Variants in DYDC1 observed in about 807,000 individuals in gnomAD.
The protein encoded by DYDC1 is DPY30 domain containing 1.
A neutral mutation model predicts 27.9 loss-of-function variants in DYDC1; 21 were observed. The ratio of observed to expected loss-of-function variants is 0.75; its 90% confidence interval spans 0.53 to 1.08. The LOEUF is 1.08. DYDC1 is among the 50% of genes least tolerant of loss of function. The pLI is 0.00. For missense variants in DYDC1, 202 were observed against 205.9 expected, an observed-to-expected ratio of 0.98 and a Z score of 0.12; for synonymous variants, 67 against 65.8, an observed-to-expected ratio of 1.02 and a Z score of -0.09.
At position 80,354,346 on chromosome 10, in the gene DYDC1, C is replaced by T. The variant is rs571090957; in HGVS notation, c.-9-1736G>A. ...TACTAAAAATACAAAATTATCTGGG[C>T]GTGGTGGCACATACCTGTAATCCCA... On this transcript the variant is annotated intron_variant, in intron 1 of 6. Transcript: ENST00000372202. The T allele has an allele frequency of 5.0e-3, 761 of 150,976 alleles. 5 individuals are homozygous for T. Among genetic ancestry groups the T allele is most frequent in the Non-Finnish European group, 8.3e-3 (563 of 67,856 alleles). 9.4% of individuals were successfully genotyped at this position (150,976 alleles called of 1,614,324 possible).
At chr10:80,351,467 T>G (rs1842967714) in intron 3 of DYDC1, among the ~76,000 whole-genome samples, 1 of 151,346 alleles carries the variant, frequency 6.6e-6, no homozygotes, top group Non-Finnish European at 1.5e-5. Context: ...ATTTTCCACC[T>G]CCCCTGCCTA....
intron 1 of DYDC1, among the ~76,000 whole-genome samples, chr10:80,354,905 T>G (rs947500139): frequency 6.6e-5 from 10 of 152,002 alleles, no homozygotes; most frequent in Admixed American, 5.9e-4. Context: ...CAGCGCAAAC[T>G]AAAACAAAAA....
intron 3 of DYDC1, among the ~76,000 whole-genome samples, chr10:80,343,656 C>T (rs1415855602): frequency 1.3e-5 from 2 of 151,826 alleles, no homozygotes; most frequent in East Asian, 1.9e-4. Context: ...TTTTGAATGT[C>T]GCACTTTTAA....
intron 3 of DYDC1, among the ~76,000 whole-genome samples, chr10:80,350,054 C>A (rs898674109): frequency 1.4e-4 from 21 of 152,244 alleles, no homozygotes; most frequent in African/African-American, 5.1e-4. Flanking sequence ...CTCTGTTTTT[C>A]TTCATCTCAG....
At chr10:80,346,444 C>CTTTTTTTTTTTTTTTTTTTTTTTTTTTT (rs1032729095) in intron 3 of DYDC1, among the ~76,000 whole-genome samples, 5 of 83,358 alleles carry the variant, frequency 6.0e-5, no homozygotes, top group Admixed American at 1.6e-4. Flanking sequence ...TCTTCCCTTT[C>CTTTTTTTTTTTTTTTTTTTTTTTTTTTT]TTTTTTTTTT....
At chr10:80,346,883 T>C (rs1374826123) in intron 3 of DYDC1, among the ~76,000 whole-genome samples, 1 of 150,884 alleles carries the variant, frequency 6.6e-6, no homozygotes, top group Non-Finnish European at 1.5e-5. Context: ...AAGACCAGCC[T>C]GGCCAACATG....
intron 3 of DYDC1, among the ~76,000 whole-genome samples, chr10:80,351,140 C>T (rs901027699): frequency 6.6e-6 from 1 of 152,210 alleles, no homozygotes; most frequent in Non-Finnish European, 1.5e-5. Flanking sequence ...ACACCTCCTA[C>T]CTTACAACCT....
rs755405371 is a variant in DYDC1 at position 80,351,991 on chromosome 10, T to C, written c.159A>G (p.Glu53=). ...CTCTTTCACGCTCCAGCTTGGCCATTTCCTTTTGTCTCTAGCATTGTTTAA... is the reference window on the plus strand; with the variant it reads ...CTCTTTCACGCTCCAGCTTGGCCATCTCCTTTTGTCTCTAGCATTGTTTAA... The part of the protein sequence containing the change: ...NVTMEQLRQK[E]MAKLEREREL... Residue 53 remains glutamate (E), a synonymous_variant, in exon 3 of 7, where the codon GAA becomes GAG. Coordinates refer to ENST00000372202, the MANE Select transcript of DYDC1 (RefSeq NM_001269053.2). 2.5e-6 allele frequency: 4 copies of C among 1,613,962 alleles called. No homozygotes were observed. In the African/African-American group the frequency reaches 4.0e-5, roughly 16 times the overall value.
At chr10:80,338,661 T>C in intron 5 of DYDC1, 90 bp from the exon 6 acceptor site, 1 of 1,299,296 alleles carries the variant, frequency 7.7e-7, no homozygotes, top group Middle Eastern at 2.1e-4. Context: ...TTTTCTGATT[T>C]ATAACATTAA....
At position 80,349,537 on chromosome 10, in the gene DYDC1, C is replaced by A. The variant is rs1228741177; in HGVS notation, c.249+2364G>T. On this transcript the variant is annotated intron_variant, in intron 3 of 6. Coordinates refer to ENST00000372202, the MANE Select transcript of DYDC1 (RefSeq NM_001269053.2). The stretch of plus-strand genomic sequence containing the variant: ...AATAAAGTGCTTGATATTTTATTTG[C>A]AAAAGCTTTTAAAGGTAATTTCTTA... Among the ~76,000 whole-genome samples the A allele has an allele frequency of 3.9e-5, 6 of 152,164 alleles. No individual in the cohort carries two copies. The East Asian group carries it at 1.2e-3, about 29-fold the overall frequency.
intron 4 of DYDC1, among the ~76,000 whole-genome samples, 181 bp downstream of exon 4, chr10:80,342,088 G>C (rs897364612): frequency 6.6e-6 from 1 of 150,940 alleles, no homozygotes; most frequent in Non-Finnish European, 1.5e-5. Flanking sequence ...GCTAGCTCTA[G>C]TTTTGAAACA....
rs1842133275 is a variant in DYDC1 at position 80,336,280 on chromosome 10, A to T, written c.505-95T>A. ...ATAAACTTTAGGTAACTTCTATGTG[A>T]CTACATGAATGAAACTTTTTGGGAG... On this transcript the variant is annotated intron_variant, in intron 6 of 6. Transcript: ENST00000372202. 8 of 1,427,944 alleles carry T rather than the reference A, an allele frequency of 5.6e-6. No individual in the cohort carries two copies. The South Asian group carries it at 9.3e-5, about 17-fold the overall frequency. 88.5% of individuals were successfully genotyped at this position (1,427,944 alleles called of 1,614,324 possible).
rs879449691 is a variant in DYDC1, at chr10:80,339,223, A to G, written c.343-70T>C. On this transcript the variant is annotated intron_variant, in intron 4 of 6. Coordinates refer to ENST00000372202, the MANE Select transcript of DYDC1 (RefSeq NM_001269053.2). Reference sequence around the variant, plus strand: ...TTTGATTTCATGTTTAATTTTTGGCATTTTTACTTTTACACAATGCTATGA... The same window carrying G: ...TTTGATTTCATGTTTAATTTTTGGCGTTTTTACTTTTACACAATGCTATGA... 4.5e-5 allele frequency: 31 copies of G among 691,820 alleles called. No individual in the cohort carries two copies. In the Admixed American group the frequency reaches 4.7e-4, roughly 11 times the overall value. The allele number at this position is 691,820 out of a possible 1,614,324, so 42.9% of individuals were successfully genotyped here.
chr10:80,348,707 A>G (rs1413682276), intron 3 of DYDC1, among the ~76,000 whole-genome samples: 1 of 152,230 alleles, frequency 6.6e-6, no homozygotes, highest in Non-Finnish European at 1.5e-5. Context: ...TATTCTACAA[A>G]GTAATGCATG....
intron 3 of DYDC1, among the ~76,000 whole-genome samples, chr10:80,343,565 A>T (rs991724885): frequency 3.9e-5 from 6 of 152,114 alleles, no homozygotes; most frequent in Non-Finnish European, 7.4e-5. Flanking sequence ...TGAAGCCAGG[A>T]GTTCAAGACC....
At chr10:80,347,438 G>C (rs1842736376) in intron 3 of DYDC1, among the ~76,000 whole-genome samples, 1 of 152,046 alleles carries the variant, frequency 6.6e-6, no homozygotes, top group Non-Finnish European at 1.5e-5. Context: ...TGCTGTGCAA[G>C]AGCATTTTAG....
intron 3 of DYDC1, among the ~76,000 whole-genome samples, chr10:80,346,465 T>C (rs1284493896): frequency 3.0e-5 from 4 of 132,648 alleles, no homozygotes; most frequent in Admixed American, 1.5e-4. Flanking sequence ...TTTTTTTTTT[T>C]TTTTTTCTTT....
At chr10:80,349,643 G>T (rs962847015) in intron 3 of DYDC1, among the ~76,000 whole-genome samples, 4 of 152,174 alleles carry the variant, frequency 2.6e-5, no homozygotes, top group Non-Finnish European at 4.4e-5. Flanking sequence ...TCAACTTTCA[G>T]ACATTGGTAG....
At position 80,352,408 on chromosome 10, in the gene DYDC1, G is replaced by A. The variant is rs1843048442; in HGVS notation, c.147+47C>T. 3 of 1,501,582 alleles carry A rather than the reference G, an allele frequency of 2.0e-6. No individual in the cohort carries two copies. In the East Asian group the frequency reaches 7.3e-5, roughly 36 times the overall value. 93.0% of individuals were successfully genotyped at this position (1,501,582 alleles called of 1,614,324 possible). ...AACTTTTTTAAAAGCAGACAAGTTGGACCAGTTTTTTTTCTTCTAATTTCC... is the reference window on the plus strand; with the variant it reads ...AACTTTTTTAAAAGCAGACAAGTTGAACCAGTTTTTTTTCTTCTAATTTCC... On this transcript the variant is annotated intron_variant, in intron 2 of 6. Coordinates refer to ENST00000372202, the MANE Select transcript of DYDC1 (RefSeq NM_001269053.2).
Sources: allele counts gnomAD v4.1 joint callset (sites outside exome capture counted in the v4.1 genomes callset), GRCh38; gene constraint gnomAD v4.1.1; transcripts MANE v1.5; gene names NCBI Gene and HGNC (gene_info 2026-07-23, HGNC 2026-07-21).